Variants in CSMD1 observed in about 807,000 individuals in gnomAD.
CSMD1 encodes the protein CUB and Sushi multiple domains 1.
A neutral mutation model predicts 417.5 loss-of-function variants in CSMD1; 213 were observed. The ratio of observed to expected loss-of-function variants is 0.51; its 90% confidence interval spans 0.46 to 0.57. The LOEUF (loss-of-function observed/expected upper bound fraction) is 0.57, where lower values mean the gene tolerates loss of function less well. Ranked by LOEUF, CSMD1 falls within the 20% of genes least tolerant of loss-of-function variation. The probability of loss-of-function intolerance (pLI) is 0.00; values close to 1 mark genes in which losing one functional copy is unlikely to be tolerated. For missense variants in CSMD1, 6,923 were observed against 4,529.7 expected, an observed-to-expected ratio of 1.53 and a Z score of -15.17; for synonymous variants, 2,862 against 1,736.8, an observed-to-expected ratio of 1.65 and a Z score of -16.11.
chr8:4,692,366 C>G (rs1391890505), intron 1 of CSMD1, among the ~76,000 whole-genome samples: 1 of 152,082 alleles, frequency 6.6e-6, no homozygotes, highest in Non-Finnish European at 1.5e-5. Flanking sequence ...CAAAACGAAA[C>G]AAAAAACTGA....
chr8:4,739,380 T>C (rs774677820), intron 1 of CSMD1, among the ~76,000 whole-genome samples: 1 of 152,214 alleles, frequency 6.6e-6, no homozygotes, highest in Non-Finnish European at 1.5e-5. Context: ...TTCAGCTCAG[T>C]CATATTCCCT....
At chr8:4,115,758 A>G (rs2130924514) in intron 3 of CSMD1, among the ~76,000 whole-genome samples, 1 of 152,238 alleles carries the variant, frequency 6.6e-6, no homozygotes, top group Middle Eastern at 3.4e-3. Context: ...AGTGCTAAAA[A>G]GAAATAAGCT....
intron 3 of CSMD1, among the ~76,000 whole-genome samples, chr8:4,276,378 A>T (rs557695179): frequency 1.3e-5 from 2 of 152,314 alleles, no homozygotes; most frequent in African/African-American, 4.8e-5. Context: ...ACAAGAACAG[A>T]AAACTAAACA....
At chr8:3,054,479 G>A (rs987246804) in intron 49 of CSMD1, among the ~76,000 whole-genome samples, 10 of 152,140 alleles carry the variant, frequency 6.6e-5, no homozygotes, top group Non-Finnish European at 1.2e-4. Flanking sequence ...TTAGGCAGAT[G>A]TGGTGGCACA....
chr8:3,415,770 G>C (rs10098061), intron 12 of CSMD1, among the ~76,000 whole-genome samples: 14,158 of 152,118 alleles, frequency 0.093, 808 homozygotes, highest in Middle Eastern at 0.16. Context: ...CTTTATTTCA[G>C]ACTGAGATCT....
At chr8:4,006,315 G>A (rs1816109063) in intron 4 of CSMD1, among the ~76,000 whole-genome samples, 1 of 152,200 alleles carries the variant, frequency 6.6e-6, no homozygotes, top group Non-Finnish European at 1.5e-5. Flanking sequence ...AGGCTGAGAT[G>A]GATGGATCAC....
chr8:4,129,899 C>T (rs1384575161), intron 3 of CSMD1, among the ~76,000 whole-genome samples: 1 of 152,034 alleles, frequency 6.6e-6, no homozygotes, highest in Non-Finnish European at 1.5e-5. Context: ...ATAATATATC[C>T]TTTTACTTCT....
intron 10 of CSMD1, among the ~76,000 whole-genome samples, chr8:3,502,138 G>A (rs897446945): frequency 9.2e-5 from 14 of 152,058 alleles, no homozygotes; most frequent in East Asian, 1.9e-4. Context: ...GCTGAGGCTG[G>A]CAGATCACGA....
intron 2 of CSMD1, among the ~76,000 whole-genome samples, chr8:4,537,835 C>G (rs1269612475): frequency 1.3e-5 from 2 of 152,168 alleles, no homozygotes; most frequent in Non-Finnish European, 2.9e-5. Flanking sequence ...TAAGATCCAG[C>G]AGAAGCAGCA....
At chr8:4,311,761 G>A (rs8180935) in intron 3 of CSMD1, among the ~76,000 whole-genome samples, 49,921 of 147,828 alleles carry the variant, frequency 0.34, 11,472 homozygotes, top group East Asian at 0.78. Flanking sequence ...AATTATGAGA[G>A]TTCATAGAGG....
At chr8:3,687,820 G>C (rs1300674913) in intron 7 of CSMD1, among the ~76,000 whole-genome samples, 2 of 152,182 alleles carry the variant, frequency 1.3e-5, no homozygotes, top group Non-Finnish European at 1.5e-5. Flanking sequence ...TCTCGAGAAA[G>C]GTAGCACTGC....
chr8:4,067,189 C>T (rs960687003), intron 3 of CSMD1, among the ~76,000 whole-genome samples: 41 of 152,304 alleles, frequency 2.7e-4, no homozygotes, highest in Admixed American at 9.2e-4. Flanking sequence ...GGCTATCCTC[C>T]GTCTTTGCAT....
intron 26 of CSMD1, among the ~76,000 whole-genome samples, chr8:3,281,466 A>T (rs1237847308): frequency 6.6e-6 from 1 of 152,080 alleles, no homozygotes; most frequent in African/African-American, 2.4e-5. Context: ...GGGTAAATAA[A>T]CTGTGGTACA....
chr8:4,430,173 G>C (rs1174259594), intron 2 of CSMD1, among the ~76,000 whole-genome samples: 1 of 152,214 alleles, frequency 6.6e-6, no homozygotes, highest in African/African-American at 2.4e-5. Flanking sequence ...TCCTACGTGT[G>C]CTTTCCTAAG....
intron 1 of CSMD1, among the ~76,000 whole-genome samples, chr8:4,917,615 C>G (rs1390354789): frequency 6.6e-6 from 1 of 151,970 alleles, no homozygotes; most frequent in Non-Finnish European, 1.5e-5. Flanking sequence ...GCCTGGGCGA[C>G]AGAGCGAGAC....
intron 3 of CSMD1, among the ~76,000 whole-genome samples, chr8:4,140,739 T>C (rs13269148): frequency 0.3 from 45,089 of 150,272 alleles, 8,433 homozygotes; most frequent in Non-Finnish European, 0.39. Context: ...TCTTCCCCAC[T>C]CTAAGTATCT....
At chr8:3,383,154 T>G (rs1385072436) in intron 18 of CSMD1, among the ~76,000 whole-genome samples, 1 of 152,216 alleles carries the variant, frequency 6.6e-6, no homozygotes, top group Non-Finnish European at 1.5e-5. Context: ...AAGATAAACA[T>G]AAGTTTTTAC....
intron 2 of CSMD1, among the ~76,000 whole-genome samples, chr8:4,492,629 G>C (rs775683896): frequency 6.6e-6 from 1 of 152,142 alleles, no homozygotes; most frequent in Non-Finnish European, 1.5e-5. Flanking sequence ...TGAAGCACTA[G>C]TGCCGCCTTT....
intron 3 of CSMD1, among the ~76,000 whole-genome samples, chr8:4,393,636 G>A (rs768799936): frequency 7.9e-5 from 12 of 152,090 alleles, no homozygotes; most frequent in Non-Finnish European, 1.8e-4. Flanking sequence ...TATCAATGTT[G>A]AAAAGACGTG....
Sources: allele counts gnomAD v4.1 joint callset (sites outside exome capture counted in the v4.1 genomes callset), GRCh38; gene constraint gnomAD v4.1.1; transcripts MANE v1.5; gene names NCBI Gene and HGNC (gene_info 2026-07-23, HGNC 2026-07-21).